DIP2C: variants seen among roughly 807,000 people sequenced by gnomAD.
DIP2C encodes the protein disco-interacting protein 2 homolog C.
DIP2C carries 33 observed loss-of-function variants against 192.4 expected under a neutral mutation model. The observed-to-expected ratio is 0.17, with a 90% CI of 0.13 to 0.23. DIP2C has a LOEUF of 0.23. DIP2C is among the 10% of genes least tolerant of loss of function. DIP2C has a pLI of 1.00. For missense variants in DIP2C, 1,537 were observed against 2,110.1 expected (o/e 0.73, Z 5.32); for synonymous variants, 979 against 864.1 (o/e 1.13, Z -2.33).
chr10:506,884 GCA>G (rs1323159586), intron 1 of DIP2C, among the ~76,000 whole-genome samples: 4 of 152,338 alleles, frequency 2.6e-5, no homozygotes, highest in African/African-American at 2.4e-5. Flanking sequence ...CACACACTGT[GCA>G]CAGAGGTGTG....
At chr10:409,465 T>TAA (rs1965037995) in intron 8 of DIP2C, among the ~76,000 whole-genome samples, 1 of 151,768 alleles carries the variant, frequency 6.6e-6, no homozygotes, top group Non-Finnish European at 1.5e-5. Context: ...TCAAGAGGAG[T>TAA]AAAAGCAATG....
intron 10 of DIP2C, among the ~76,000 whole-genome samples, chr10:393,506 G>T (rs544551722): frequency 6.6e-6 from 1 of 152,316 alleles, no homozygotes; most frequent in African/African-American, 2.4e-5. Flanking sequence ...AGCCAGGCGC[G>T]ATGGCTCAGG....
chr10:512,922 GAAAAAAAA>G (rs60269783), intron 1 of DIP2C, among the ~76,000 whole-genome samples: 1 of 92,208 alleles, frequency 1.1e-5, no homozygotes, highest in African/African-American at 4.4e-5. Flanking sequence ...CCCACTTCAG[GAAAAAAAA>G]AAAAAAAAAA....
At position 563,384 on chromosome 10, in the gene DIP2C, CA is replaced by C. The variant is rs200021917; in HGVS notation, c.86-76855del. Among the ~76,000 whole-genome samples, 1,261 of 152,272 alleles carry C rather than the reference CA, an allele frequency of 8.3e-3. 20 individuals carry two copies. Among genetic ancestry groups the C allele is most frequent in the African/African-American group, 0.029 (1,191 of 41,528 alleles). ...GATCCTTTAAAAAACCTCCTAACAG[CA>C]GTTGTATTCCACCCCCTTCCTTAAA... On this transcript the variant is annotated intron_variant, in intron 1 of 36. Transcript: ENST00000280886.
At chr10:281,859 G>T (rs1954848109) in intron 35 of DIP2C, among the ~76,000 whole-genome samples, 1 of 152,186 alleles carries the variant, frequency 6.6e-6, no homozygotes, top group Non-Finnish European at 1.5e-5. Context: ...ATAGAGCCAG[G>T]AAATTTATTT....
chr10:646,862 T>C (rs1266946830), intron 1 of DIP2C, among the ~76,000 whole-genome samples: 2 of 152,242 alleles, frequency 1.3e-5, no homozygotes, highest in African/African-American at 4.8e-5. Context: ...CTTCCAAACC[T>C]CACACAGACT....
chr10:521,779 C>CT (rs1188772246), intron 1 of DIP2C, among the ~76,000 whole-genome samples: 4 of 152,184 alleles, frequency 2.6e-5, no homozygotes, highest in Non-Finnish European at 4.4e-5. Context: ...TTTCAATAGA[C>CT]TTTTTAAAAA....
intron 32 of DIP2C, among the ~76,000 whole-genome samples, chr10:306,813 C>CTTCACAA (rs1015775801): frequency 2.0e-5 from 3 of 152,216 alleles, no homozygotes; most frequent in African/African-American, 7.2e-5. Flanking sequence ...TGGCTCTTCA[C>CTTCACAA]AGCATTCCTT....
chr10:682,360 G>A (rs1038216793), intron 1 of DIP2C, among the ~76,000 whole-genome samples: 2 of 152,150 alleles, frequency 1.3e-5, no homozygotes, highest in African/African-American at 4.8e-5. Flanking sequence ...AGGGCAGATT[G>A]CCACCTCCCT....
chr10:505,164 T>C lies in DIP2C; in HGVS notation c.86-18634A>G, dbSNP rs1845509113. On this transcript the variant is annotated intron_variant, in intron 1 of 36. Coordinates refer to ENST00000280886, the MANE Select transcript of DIP2C (RefSeq NM_014974.3). ...CAGAAAACGGCAACGGGTCCAGTCA[T>C]GTTCCGAGGAGCAATTCCAATTGCT... Among the ~76,000 whole-genome samples, 3 of 152,188 alleles carry C rather than the reference T, an allele frequency of 2.0e-5. No individual in the cohort carries two copies. The South Asian group carries it at 6.2e-4, about 32-fold the overall frequency.
At chr10:378,869 G>A (rs1214357131) in intron 17 of DIP2C, among the ~76,000 whole-genome samples, 1 of 150,648 alleles carries the variant, frequency 6.6e-6, no homozygotes, top group Non-Finnish European at 1.5e-5. Context: ...GAACAGACAT[G>A]CCTAGACACA....
At chr10:640,493 T>C (rs560561899) in intron 1 of DIP2C, among the ~76,000 whole-genome samples, 1 of 152,274 alleles carries the variant, frequency 6.6e-6, no homozygotes, top group South Asian at 2.1e-4. Flanking sequence ...GTTGGTTTCT[T>C]ACTGCACCTC....
At chr10:559,024 A>G (rs373102669) in intron 1 of DIP2C, among the ~76,000 whole-genome samples, 1 of 149,288 alleles carries the variant, frequency 6.7e-6, no homozygotes, top group Admixed American at 6.7e-5. Flanking sequence ...GTTTCCAAGG[A>G]ATCTCAGAGG....
intron 1 of DIP2C, chr10:650,677 C>T (rs566437475): frequency 1.1e-5 from 7 of 619,348 alleles, no homozygotes; most frequent in South Asian, 9.8e-5. Context: ...TGGCAAGGGG[C>T]CTCCCAGCCT....
rs150399242 is a variant in DIP2C, at chr10:383,919, C to T, written c.1876+108G>A. ...AAAAATCAAAGTGCAAAGAATGAAA[C>T]CTGGGGAAAAAATAAAAAAGACTTC... On this transcript the variant is annotated intron_variant, in intron 16 of 36. Transcript: ENST00000280886. 12,318 of 1,350,868 alleles carry T rather than the reference C, an allele frequency of 9.1e-3. 96 individuals carry two copies. Among genetic ancestry groups the T allele is most frequent in the South Asian group, 0.027 (1,523 of 55,786 alleles). 83.7% of individuals were successfully genotyped at this position (1,350,868 alleles called of 1,614,324 possible). A position where few individuals can be genotyped will look rare whatever the true frequency, so the allele number is the denominator to read the frequency against.
intron 1 of DIP2C, chr10:665,487 A>C (rs923236103): frequency 1.3e-5 from 2 of 152,224 alleles, no homozygotes; most frequent in African/African-American, 2.4e-5. Context: ...AGGAAACTTC[A>C]CATAAGAAAC....
At chr10:539,035 T>C (rs762749560) in intron 1 of DIP2C, among the ~76,000 whole-genome samples, 25 of 152,108 alleles carry the variant, frequency 1.6e-4, no homozygotes, top group Non-Finnish European at 2.9e-4. Flanking sequence ...GTTTTGTGAA[T>C]CTGTTCTACG....
chr10:547,353 T>G (rs192648718), intron 1 of DIP2C, among the ~76,000 whole-genome samples: 1 of 152,298 alleles, frequency 6.6e-6, no homozygotes, highest in Non-Finnish European at 1.5e-5. Context: ...TCTGCTTATG[T>G]GCCAGCCAAG....
chr10:319,693 T>C (rs1956924262), intron 31 of DIP2C, among the ~76,000 whole-genome samples: 2 of 152,254 alleles, frequency 1.3e-5, no homozygotes, highest in Non-Finnish European at 2.9e-5. Context: ...ATCTTTCTAA[T>C]GTCCACTTTT....
Sources: gnomAD v4.1 joint callset for allele counts (sites outside exome capture counted in the v4.1 genomes callset) on GRCh38, gnomAD v4.1.1 for gene constraint, MANE v1.5 for transcripts, NCBI Gene and HGNC (gene_info 2026-07-23, HGNC 2026-07-21) for gene names.